ZDHHC21: variants seen among roughly 807,000 people sequenced by gnomAD.
ZDHHC21 encodes the protein zDHHC palmitoyltransferase 21.
In ZDHHC21, 15 loss-of-function variants were observed where a neutral mutation model predicts 34.6. That is an observed-to-expected ratio of 0.43 (90% CI 0.29 to 0.67). The LOEUF (loss-of-function observed/expected upper bound fraction) is 0.67. Ranked by LOEUF, ZDHHC21 falls within the 30% of genes least tolerant of loss-of-function variation. ZDHHC21 has a pLI of 0.14. For missense variants in ZDHHC21, 344 were observed against 327.7 expected (o/e 1.05, Z -0.38); for synonymous variants, 142 against 101.8 (o/e 1.40, Z -2.38).
At chr9:14,684,722 C>A (rs1328976385) in intron 2 of ZDHHC21, among the ~76,000 whole-genome samples, 3 of 151,804 alleles carry the variant, frequency 2.0e-5, no homozygotes, top group Admixed American at 6.6e-5. Context: ...CATATGGAAC[C>A]AAAAAAGAAC....
At chr9:14,662,830 C>G (rs1468070688) in intron 5 of ZDHHC21, among the ~76,000 whole-genome samples, 1 of 152,124 alleles carries the variant, frequency 6.6e-6, no homozygotes, top group Non-Finnish European at 1.5e-5. Flanking sequence ...TACACTTTCC[C>G]TAAATCATTT....
chr9:14,598,621 T>C, the ZDHHC21 span, among the ~76,000 whole-genome samples: 119 of 151,672 alleles, frequency 7.8e-4, no homozygotes, highest in African/African-American at 2.7e-3. Flanking sequence ...AAAATATCTA[T>C]GAAATGCCTG....
At chr9:14,662,504 G>A (rs10119974) in intron 5 of ZDHHC21, among the ~76,000 whole-genome samples, 178 bp from the exon 6 acceptor site, 1,656 of 152,054 alleles carry the variant, frequency 0.011, 33 homozygotes, top group African/African-American at 0.038. Flanking sequence ...TTCTACATAT[G>A]TCTTATTTTG....
At chr9:14,679,120 T>C (rs187559109) in intron 3 of ZDHHC21, among the ~76,000 whole-genome samples, 1 of 152,254 alleles carries the variant, frequency 6.6e-6, no homozygotes, top group East Asian at 1.9e-4. Context: ...CTTAAGATTG[T>C]TGCATGTCAT....
At chr9:14,610,848 T>C (rs1421971245), downstream of ZDHHC21, among the ~76,000 whole-genome samples, 1 of 152,004 alleles carries the variant, frequency 6.6e-6, no homozygotes, top group Non-Finnish European at 1.5e-5. Context: ...TAACTAGAAA[T>C]ACTGCGTTTG....
intron 8 of ZDHHC21, among the ~76,000 whole-genome samples, chr9:14,622,057 G>C (rs896367993): frequency 6.6e-6 from 1 of 151,964 alleles, no homozygotes; most frequent in Non-Finnish European, 1.5e-5. Context: ...AAATTCACTT[G>C]TCCAGGAATG....
intron 7 of ZDHHC21, 121 bp downstream of exon 7, chr9:14,658,628 C>T (rs1196017951): frequency 1.9e-5 from 14 of 730,394 alleles, no homozygotes; most frequent in Admixed American, 6.1e-5. Context: ...CCCGCCACCT[C>T]GCCCGGCTAA....
the ZDHHC21 span, among the ~76,000 whole-genome samples, chr9:14,604,169 T>C: frequency 1.3e-5 from 2 of 152,106 alleles, no homozygotes; most frequent in African/African-American, 4.8e-5. Flanking sequence ...GGAGTGTAAA[T>C]TGGTTTGACT....
intron 7 of ZDHHC21, among the ~76,000 whole-genome samples, chr9:14,656,489 A>G (rs1009995315): frequency 6.6e-5 from 10 of 151,968 alleles, no homozygotes; most frequent in African/African-American, 2.4e-4. Flanking sequence ...ATAATATATC[A>G]TAAACAAAAC....
intron 7 of ZDHHC21, among the ~76,000 whole-genome samples, chr9:14,656,824 C>T (rs1260943811): frequency 2.0e-5 from 3 of 151,900 alleles, no homozygotes; most frequent in Non-Finnish European, 4.4e-5. Context: ...AAAAAATCAC[C>T]TGCTTGCATC....
the ZDHHC21 span, among the ~76,000 whole-genome samples, chr9:14,591,447 T>C: frequency 2.9e-3 from 437 of 152,260 alleles, 2 homozygotes; most frequent in African/African-American, 0.01. Flanking sequence ...AGCCTTGATC[T>C]TAGACTTTCC....
chr9:14,614,744 G>T lies in ZDHHC21; in HGVS notation c.*4222C>A, dbSNP rs1030951453. 1 of 151,628 alleles carries T rather than the reference G, an allele frequency of 6.6e-6. No individual in the cohort carries two copies. The highest frequency in any genetic ancestry group is 2.1e-4 in the South Asian group (1 of 4,814). 9.4% of individuals were successfully genotyped at this position (151,628 alleles called of 1,614,324 possible). Reference sequence around the variant, plus strand: ...AAGTAGAACACATTAAATGTACATGGCTTATTTGCTACACTTACCAATACT... The same window carrying T: ...AAGTAGAACACATTAAATGTACATGTCTTATTTGCTACACTTACCAATACT... On this transcript the variant is annotated 3_prime_UTR_variant, in exon 10 of 10. Transcript: ENST00000380916.
At chr9:14,643,165 G>A (rs1003425305) in intron 7 of ZDHHC21, among the ~76,000 whole-genome samples, 14 of 152,238 alleles carry the variant, frequency 9.2e-5, no homozygotes, top group Non-Finnish European at 1.8e-4. Flanking sequence ...GGAGGATCAC[G>A]TGAACCTGGC....
At chr9:14,596,333 G>A in the ZDHHC21 span, among the ~76,000 whole-genome samples, 2 of 152,204 alleles carry the variant, frequency 1.3e-5, no homozygotes. Context: ...GCAACATGAG[G>A]CTGCGCCCCA....
At position 14,622,407 on chromosome 9, in the gene ZDHHC21, T is replaced by TG. The variant is rs769980716; in HGVS notation, c.622-2726dup. 361 of 284,210 alleles carry TG rather than the reference T, an allele frequency of 1.3e-3. 1 individual carries two copies. The highest frequency in any genetic ancestry group is 3.6e-3 in the Admixed American group (46 of 12,734). 17.6% of individuals were successfully genotyped at this position (284,210 alleles called of 1,614,324 possible). On this transcript the variant is annotated intron_variant, in intron 8 of 9. Transcript: ENST00000380916. ...CTAAGTAGTAAAATTATACCTGGAA[T>TG]GGGGGGGCGGGGAAGTTCCTAAGAG...
intron 8 of ZDHHC21, among the ~76,000 whole-genome samples, chr9:14,633,744 A>C (rs1827781438): frequency 6.6e-6 from 1 of 152,138 alleles, no homozygotes; most frequent in South Asian, 2.1e-4. Context: ...ACATGCCCCA[A>C]TGTCAAACCC....
At chr9:14,603,811 G>T in the ZDHHC21 span, among the ~76,000 whole-genome samples, 1 of 152,076 alleles carries the variant, frequency 6.6e-6, no homozygotes, top group Non-Finnish European at 1.5e-5. Context: ...ACTTTAGAGG[G>T]GTCGAACTCT....
At chr9:14,689,921 G>C (rs1838924730) in intron 2 of ZDHHC21, among the ~76,000 whole-genome samples, 1 of 151,970 alleles carries the variant, frequency 6.6e-6, no homozygotes, top group African/African-American at 2.4e-5. Flanking sequence ...GGGAGGTGTG[G>C]GGTGATACGA....
At chr9:14,600,468 G>C in the ZDHHC21 span, among the ~76,000 whole-genome samples, 1 of 152,140 alleles carries the variant, frequency 6.6e-6, no homozygotes, top group Non-Finnish European at 1.5e-5. Context: ...ACTCTTCAAG[G>C]AGAACTATAA....
Sources: gnomAD v4.1 joint callset for allele counts (sites outside exome capture counted in the v4.1 genomes callset) on GRCh38, gnomAD v4.1.1 for gene constraint, MANE v1.5 for transcripts, NCBI Gene and HGNC (gene_info 2026-07-23, HGNC 2026-07-21) for gene names.